The following FYN variants were observed in gnomAD, a reference collection of about 807,000 sequenced individuals.
The protein encoded by FYN is tyrosine-protein kinase Fyn.
In FYN, 10 loss-of-function variants were observed where a neutral mutation model predicts 70.2. That is an observed-to-expected ratio of 0.14 (90% CI 0.09 to 0.24). The LOEUF is 0.24. Ranked by LOEUF, FYN falls within the 10% of genes least tolerant of loss-of-function variation. The probability of loss-of-function intolerance (pLI) is 1.00; values close to 1 mark genes in which losing one functional copy is unlikely to be tolerated. For missense variants in FYN, 319 were observed against 673.1 expected (o/e 0.47, Z 5.82); for synonymous variants, 236 against 248.6 (o/e 0.95, Z 0.48).
chr6:111,839,950 G>T (rs1583485321), intron 2 of FYN, among the ~76,000 whole-genome samples: 1 of 152,066 alleles, frequency 6.6e-6, no homozygotes, highest in Non-Finnish European at 1.5e-5. Context: ...GATTTCCAAG[G>T]CCTCTTCCCA....
At chr6:111,714,321 TG>T in intron 5 of FYN, 25 bp downstream of exon 5, 5 of 1,511,970 alleles carry the variant, frequency 3.3e-6, no homozygotes, top group East Asian at 2.3e-5. Flanking sequence ...AAGGTATACA[TG>T]CTTCTCCTCC....
At chr6:111,840,926 T>C (rs1024953837) in intron 2 of FYN, among the ~76,000 whole-genome samples, 10 of 152,252 alleles carry the variant, frequency 6.6e-5, no homozygotes, top group African/African-American at 1.9e-4. Context: ...CAGTATCTCA[T>C]GGCTACAGGA....
chr6:111,668,186 T>G (rs1410521817), intron 13 of FYN, among the ~76,000 whole-genome samples: 1 of 152,268 alleles, frequency 6.6e-6, no homozygotes, highest in African/African-American at 2.4e-5. Flanking sequence ...CAGATTCTCA[T>G]GTGTCCTTGC....
At position 111,848,777 on chromosome 6, in the gene FYN, T is replaced by A. The variant is rs140624195; in HGVS notation, c.-122-2148A>T. ...ACCACGTATATCTTTCTTAAGGCTG[T>A]CTTTCTGAAAAGTTGAGAAAAAGTA... On this transcript the variant is annotated intron_variant, in intron 1 of 13. Coordinates refer to ENST00000354650, the MANE Select transcript of FYN (RefSeq NM_002037.5). Among the ~76,000 whole-genome samples the A allele has an allele frequency of 5.7e-3, 872 of 152,388 alleles. 9 individuals carry two copies. The highest frequency in any genetic ancestry group is 0.015 in the African/African-American group (641 of 41,590).
intron 1 of FYN, among the ~76,000 whole-genome samples, chr6:111,855,198 T>C (rs1184421568): frequency 6.6e-6 from 1 of 152,226 alleles, no homozygotes; most frequent in Non-Finnish European, 1.5e-5. Context: ...AATAATATTT[T>C]TTTTCATTTA....
chr6:111,820,922 G>A (rs9398285), intron 2 of FYN, among the ~76,000 whole-genome samples: 6,312 of 152,076 alleles, frequency 0.042, 165 homozygotes, highest in East Asian at 0.14. Flanking sequence ...CAAACAACTA[G>A]GTTACATGGA....
chr6:111,806,826 T>G (rs978419103), intron 2 of FYN, among the ~76,000 whole-genome samples: 2 of 152,118 alleles, frequency 1.3e-5, no homozygotes, highest in Non-Finnish European at 2.9e-5. Context: ...GGGAAATGTT[T>G]TAGATGGTAG....
chr6:111,682,166 C>G (rs1399932950), intron 12 of FYN, among the ~76,000 whole-genome samples: 1 of 152,256 alleles, frequency 6.6e-6, no homozygotes, highest in African/African-American at 2.4e-5. Context: ...CAAAGTAATT[C>G]TCTTCCTTTA....
At chr6:111,753,360 A>G (rs1321228457) in intron 3 of FYN, among the ~76,000 whole-genome samples, 1 of 152,218 alleles carries the variant, frequency 6.6e-6, no homozygotes, top group Non-Finnish European at 1.5e-5. Flanking sequence ...AGAACAATGA[A>G]GTGAATTATA....
chr6:111,727,197 G>C (rs1301619882), intron 3 of FYN, among the ~76,000 whole-genome samples: 1 of 152,092 alleles, frequency 6.6e-6, no homozygotes. Flanking sequence ...ACCATACTAG[G>C]TGCAGTGAGT....
In FYN at chr6:111,670,805, A is replaced by G. The variant is rs559026230; in HGVS notation, c.1405+3694T>C. Among the ~76,000 whole-genome samples, 3 of 152,262 alleles carry G rather than the reference A, an allele frequency of 2.0e-5. No homozygotes were observed. In the East Asian group the frequency reaches 5.8e-4, roughly 29 times the overall value. ...GGGGAGGCGGGGAGAAACTGGAAGC[A>G]GAGGGGAAAAGAAGGATTTGAGAAA... On this transcript the variant is annotated intron_variant, in intron 13 of 13. Transcript: ENST00000354650.
At chr6:111,663,981 T>C (rs149955428) in intron 13 of FYN, among the ~76,000 whole-genome samples, 13 of 152,318 alleles carry the variant, frequency 8.5e-5, no homozygotes, top group Admixed American at 2.0e-4. Flanking sequence ...CACCATCAAG[T>C]TTTTGTAACT....
chr6:111,736,464 A>G lies in FYN; in HGVS notation c.-11-16402T>C, dbSNP rs556555127. Among the ~76,000 whole-genome samples the G allele has an allele frequency of 3.3e-5, 5 of 152,166 alleles. 1 individual carries two copies. In the South Asian group the frequency reaches 1.0e-3, roughly 32 times the overall value. On this transcript the variant is annotated intron_variant, in intron 3 of 13. Transcript: ENST00000354650. ...TCTGGCAGAAGCACTTTGTCCCAGC[A>G]CTAAGCAGAACTGGCCTGTCCCTGA...
rs141153138 is a variant in FYN at position 111,700,473 on chromosome 6, C to T, written c.698-205G>A. On this transcript the variant is annotated intron_variant, in intron 8 of 13. Coordinates refer to ENST00000354650, the MANE Select transcript of FYN (RefSeq NM_002037.5). ...CTACACCAGCAGACGACCACACACACGGTGGAAGATCAGACGCCACACACG... is the reference window on the plus strand; with the variant it reads ...CTACACCAGCAGACGACCACACACATGGTGGAAGATCAGACGCCACACACG... Among the ~76,000 whole-genome samples the T allele has an allele frequency of 6.7e-3, 1,015 of 152,236 alleles. 10 individuals are homozygous for T. Among genetic ancestry groups the T allele is most frequent in the African/African-American group, 0.023 (959 of 41,532 alleles).
chr6:111,714,919 G>C (rs1468333775), intron 4 of FYN, among the ~76,000 whole-genome samples: 2 of 152,162 alleles, frequency 1.3e-5, no homozygotes, highest in Non-Finnish European at 2.9e-5. Flanking sequence ...GCCTCCTGCA[G>C]CTTGGGGAAA....
intron 4 of FYN, among the ~76,000 whole-genome samples, chr6:111,716,177 T>C (rs1800634262): frequency 6.6e-6 from 1 of 152,234 alleles, no homozygotes; most frequent in South Asian, 2.1e-4. Flanking sequence ...CTGGGACAGG[T>C]TGCTGGCCCT....
intron 12 of FYN, among the ~76,000 whole-genome samples, chr6:111,687,149 A>G (rs745597615): frequency 3.1e-4 from 47 of 152,256 alleles, no homozygotes; most frequent in Non-Finnish European, 6.0e-4. Context: ...TATGTTTTCT[A>G]TGAAAGAATG....
intron 5 of FYN, among the ~76,000 whole-genome samples, chr6:111,711,124 G>A (rs1237212341): frequency 1.3e-5 from 2 of 152,182 alleles, no homozygotes; most frequent in Admixed American, 6.5e-5. Context: ...CCCCGGAGCT[G>A]GGAGCCCTAG....
At chr6:111,808,912 C>T (rs1772238110) in intron 2 of FYN, among the ~76,000 whole-genome samples, 1 of 152,144 alleles carries the variant, frequency 6.6e-6, no homozygotes, top group African/African-American at 2.4e-5. Context: ...GCACCTATTC[C>T]ATGCAAGAAA....
Sources: gnomAD v4.1 joint callset for allele counts (sites outside exome capture counted in the v4.1 genomes callset) on GRCh38, gnomAD v4.1.1 for gene constraint, MANE v1.5 for transcripts, NCBI Gene and HGNC (gene_info 2026-07-23, HGNC 2026-07-21) for gene names.